The following PALM variants were observed in gnomAD, a reference collection of about 807,000 sequenced individuals.
The protein encoded by PALM is paralemmin-1.
A neutral mutation model predicts 30.7 loss-of-function variants in PALM; 18 were observed. That is an observed-to-expected ratio of 0.59 (90% confidence interval 0.41 to 0.87). The LOEUF (loss-of-function observed/expected upper bound fraction) is 0.87. Ranked by LOEUF, PALM falls within the 40% of genes least tolerant of loss-of-function variation. The pLI is 0.00. For missense variants in PALM, 529 were observed against 555.4 expected, an observed-to-expected ratio of 0.95 and a Z score of 0.48; for synonymous variants, 286 against 242.8, an observed-to-expected ratio of 1.18 and a Z score of -1.66.
chr19:745,737 C>G (rs552257563), intron 8 of PALM, among the ~76,000 whole-genome samples: 18 of 151,012 alleles, frequency 1.2e-4, no homozygotes, highest in African/African-American at 4.1e-4. Flanking sequence ...TTCTTGGTTC[C>G]TAATAAATGT....
chr19:734,460 G>A, intron 6 of PALM: 2 of 499,488 alleles, frequency 4.0e-6, no homozygotes, highest in South Asian at 4.4e-5. Flanking sequence ...AGCACTTTGG[G>A]AGGCTGAGGC....
At chr19:727,418 C>T (rs527665748) in intron 3 of PALM, 146 bp from the exon 4 acceptor site, 198 of 671,456 alleles carry the variant, frequency 2.9e-4, no homozygotes, top group Middle Eastern at 9.7e-4. Context: ...GTGATTCTGA[C>T]CTCAGCACTG....
At chr19:727,395 C>T (rs1025591480) in intron 3 of PALM, among the ~76,000 whole-genome samples, 169 bp from the exon 4 acceptor site, 7 of 151,872 alleles carry the variant, frequency 4.6e-5, no homozygotes, top group African/African-American at 1.7e-4. Flanking sequence ...GACCCTGACC[C>T]CCAACCTCGA....
At position 746,659 on chromosome 19, in the gene PALM, C is replaced by G; in HGVS notation, c.1009C>G (p.Pro337Ala). ...ELVVIEDAAEPKEPAPPNGSA... is the reference protein window; with the variant it reads ...ELVVIEDAAEAKEPAPPNGSA... ...GGTGGTCATCGAAGACGCGGCTGAG[C>G]CCAAGGAGCCTGCACCACCCAACGG... The change falls in exon 9 of 9, where the codon CCC becomes GCC. Residue 337 changes from proline (P) to alanine (A), a missense_variant. Transcript: ENST00000338448. The surrounding 1 kb of genome is among the most constrained non-coding windows in gnomAD (Gnocchi z 7.1). 2.5e-6 allele frequency: 4 copies of G among 1,611,954 alleles called. No homozygotes were observed. Among genetic ancestry groups the G allele is most frequent in the Non-Finnish European group, 3.4e-6 (4 of 1,179,576 alleles).
chr19:725,639 T>C (rs1011932760), intron 1 of PALM, among the ~76,000 whole-genome samples: 11 of 152,126 alleles, frequency 7.2e-5, no homozygotes, highest in Admixed American at 5.9e-4. Flanking sequence ...CTGTGCGTCC[T>C]TGGGAGGCTC....
rs1397372022 is a variant in PALM, at chr19:742,704, T to C, written c.634+2221T>C. Among the ~76,000 whole-genome samples, 6 of 151,826 alleles carry C rather than the reference T, an allele frequency of 4.0e-5. No individual in the cohort carries two copies. The highest frequency in any genetic ancestry group is 7.4e-5 in the Non-Finnish European group (5 of 67,990). ...CTCACTGGGCGTGACGTCCCCAAGG[T>C]GCATCGGCACTGTGGCCTGGGTCGG... is the stretch of plus-strand genomic sequence containing the variant. On this transcript the variant is annotated intron_variant, in intron 8 of 8. Coordinates refer to ENST00000338448, the MANE Select transcript of PALM (RefSeq NM_002579.3). The surrounding 1 kb of genome is among the most constrained non-coding windows in gnomAD (Gnocchi z 5.5).
intron 1 of PALM, among the ~76,000 whole-genome samples, chr19:710,496 G>A (rs968988858): frequency 1.3e-5 from 2 of 152,164 alleles, no homozygotes; most frequent in African/African-American, 4.8e-5. Flanking sequence ...GCCTGGGCAG[G>A]GTGTGGCTGT....
intron 6 of PALM, chr19:735,004 AT>A (rs2032979845): frequency 2.1e-6 from 2 of 936,926 alleles, no homozygotes; most frequent in Admixed American, 6.2e-5. Context: ...CATTAAAAAA[AT>A]CCAGACAGGC....
At chr19:744,389 G>A (rs1180324014) in intron 8 of PALM, among the ~76,000 whole-genome samples, 12 of 128,646 alleles carry the variant, frequency 9.3e-5, no homozygotes, top group Non-Finnish European at 1.7e-4. Context: ...GACAGAGCGA[G>A]ACTCCATCTC....
rs1292888453 is a variant in PALM, at chr19:709,669, C to A, written c.5+518C>A. 6.6e-6 allele frequency among the ~76,000 whole-genome samples: 1 copy of A among 152,152 alleles called. No homozygotes were observed. The highest frequency in any genetic ancestry group is 1.5e-5 in the Non-Finnish European group (1 of 68,004). The stretch of plus-strand genomic sequence containing the variant: ...CTTCCCAAGGGCCTCCAGGGGTGTC[C>A]TGAGCCCCCCGCCACTGCGCAGGTC... On this transcript the variant is annotated intron_variant, in intron 1 of 8. Transcript: ENST00000338448. This position sits in a 1 kb window ranked among gnomAD's most constrained non-coding sequence, Gnocchi z 4.3.
chr19:747,877 G>T lies in PALM; in HGVS notation c.*1063G>T, dbSNP rs569539872. 6.6e-6 allele frequency: 1 copy of T among 152,628 alleles called. No individual in the cohort carries two copies. The highest frequency in any genetic ancestry group is 6.5e-5 in the Admixed American group (1 of 15,276). The allele number at this position is 152,628 out of a possible 1,614,324, so 9.5% of individuals were successfully genotyped here. Reference sequence around the variant, plus strand: ...CCCCTCTCATTGGAAGTGGCAAGGGGCTTCCCTCCTGGGGGCAGCTACACT... The same window carrying T: ...CCCCTCTCATTGGAAGTGGCAAGGGTCTTCCCTCCTGGGGGCAGCTACACT... On this transcript the variant is annotated 3_prime_UTR_variant, in exon 9 of 9. Transcript: ENST00000338448.
At position 740,418 on chromosome 19, in the gene PALM, G is replaced by A; in HGVS notation, c.569G>A (p.Ser190Asn). The change falls in exon 8 of 9, where the codon AGC (serine) becomes AAC (asparagine). Residue 190 changes from serine (S) to asparagine (N), a missense_variant. Physicochemically the swap from Ser to Asn is conservative, Grantham distance 46. Transcript: ENST00000338448. ...ACAGGGGAGACCAGGGTGCTGTCCA[G>A]CACCACGCTGCTCCCTCGGCAGCCG... ...KVTGETRVLS[S>N]TTLLPRQPLP... The A allele has an allele frequency of 4.5e-6, 7 of 1,554,948 alleles. No individual in the cohort carries two copies. The highest frequency in any genetic ancestry group is 5.2e-6 in the Non-Finnish European group (6 of 1,149,046).
At chr19:715,705 G>A (rs571787455) in intron 1 of PALM, among the ~76,000 whole-genome samples, 25 of 152,304 alleles carry the variant, frequency 1.6e-4, no homozygotes, top group African/African-American at 5.1e-4. Flanking sequence ...CAAAAAAGGC[G>A]CTGGCAGCTG....
chr19:712,493 C>T (rs1398036195), intron 1 of PALM, among the ~76,000 whole-genome samples: 1 of 151,726 alleles, frequency 6.6e-6, no homozygotes, highest in African/African-American at 2.4e-5. Flanking sequence ...AAGCGGTTCT[C>T]CTGCCTCAGC....
rs772377164 is a variant in PALM, at chr19:747,592, G to A, written c.*778G>A. On this transcript the variant is annotated 3_prime_UTR_variant, in exon 9 of 9. Coordinates refer to ENST00000338448, the MANE Select transcript of PALM (RefSeq NM_002579.3). ...GAGCCACTCCTTGTCCCGAGCTCCC[G>A]CCCCCACTGGGCCCTCCTTCCTCCT... The A allele has an allele frequency of 1.0e-4, 16 of 153,006 alleles. No individual in the cohort carries two copies. The highest frequency in any genetic ancestry group is 4.1e-4 in the South Asian group (2 of 4,850). 9.5% of individuals were successfully genotyped at this position (153,006 alleles called of 1,614,324 possible).
intron 1 of PALM, among the ~76,000 whole-genome samples, chr19:712,072 G>A (rs950660812): frequency 6.6e-6 from 1 of 151,634 alleles, no homozygotes; most frequent in Non-Finnish European, 1.5e-5. Flanking sequence ...GTCCACACTG[G>A]AGTGCAGTGC....
At chr19:745,325 A>AT (rs1301079823) in intron 8 of PALM, among the ~76,000 whole-genome samples, 1 of 152,106 alleles carries the variant, frequency 6.6e-6, no homozygotes, top group Non-Finnish European at 1.5e-5. Context: ...TTGAACTTTC[A>AT]TTTTTGCTAT....
At chr19:740,117 T>C (rs2033142273) in intron 7 of PALM, among the ~76,000 whole-genome samples, 1 of 152,186 alleles carries the variant, frequency 6.6e-6, no homozygotes, top group Admixed American at 6.5e-5. Context: ...AGGATGGGCC[T>C]CAAATGCCAA....
At chr19:736,140 C>T in intron 7 of PALM, 62 bp downstream of exon 7, 2 of 1,169,330 alleles carry the variant, frequency 1.7e-6, no homozygotes, top group East Asian at 2.6e-5. Flanking sequence ...AAGTCTCGGT[C>T]CGGGGGGCCG....
Sources: allele counts gnomAD v4.1 joint callset (sites outside exome capture counted in the v4.1 genomes callset), GRCh38; gene constraint gnomAD v4.1.1; non-coding constraint Gnocchi (gnomAD v3.1); transcripts MANE v1.5; gene names NCBI Gene and HGNC (gene_info 2026-07-23, HGNC 2026-07-21).